The following DEPDC1B variants were observed in gnomAD, a reference collection of about 807,000 sequenced individuals.
DEPDC1B encodes the protein DEP domain containing 1B.
DEPDC1B carries 51 observed loss-of-function variants against 66.5 expected under a neutral mutation model. The ratio of observed to expected loss-of-function variants is 0.77; its 90% CI spans 0.61 to 0.97. The LOEUF is 0.97. Among genes scored for constraint, DEPDC1B ranks in the 50% least tolerant of loss-of-function variants. The pLI is 0.00. For synonymous variants in DEPDC1B, 226 were observed against 223.6 expected (o/e 1.01, Z -0.10); for missense variants, 552 against 637.1 (o/e 0.87, Z 1.44).
intron 2 of DEPDC1B, among the ~76,000 whole-genome samples, chr5:60,650,264 C>G (rs1285310631): frequency 6.6e-6 from 1 of 152,148 alleles, no homozygotes; most frequent in Non-Finnish European, 1.5e-5. Context: ...ATAAGACATT[C>G]TTAAAGAAGA....
rs568038171 is a variant in DEPDC1B at position 60,683,788 on chromosome 5, G to A, written c.314+3174C>T. Among the ~76,000 whole-genome samples the A allele has an allele frequency of 6.6e-5, 10 of 152,062 alleles. No individual in the cohort carries two copies. The South Asian group carries it at 8.3e-4, about 13-fold the overall frequency. On this transcript the variant is annotated intron_variant, in intron 2 of 10. Transcript: ENST00000265036. ...AATTAAGCAAGAGAAAGAAATAAAC[G>A]ACATATAAATTGGAAAACAGGAAGT...
chr5:60,632,448 C>A (rs1316790532), intron 7 of DEPDC1B, among the ~76,000 whole-genome samples: 2 of 152,244 alleles, frequency 1.3e-5, no homozygotes, highest in Non-Finnish European at 2.9e-5. Context: ...AATCCTGCAA[C>A]CTCCACCCAT....
intron 7 of DEPDC1B, among the ~76,000 whole-genome samples, chr5:60,621,159 G>A (rs1361226870): frequency 6.6e-6 from 1 of 151,814 alleles, no homozygotes; most frequent in Non-Finnish European, 1.5e-5. Context: ...GTAGGGGGAG[G>A]GATAGCATTA....
At position 60,603,544 on chromosome 5, in the gene DEPDC1B, G is replaced by A; in HGVS notation, c.1089C>T (p.Cys363=). The change falls in exon 9 of 11, where the codon TGC becomes TGT. Residue 363 remains cysteine, a synonymous_variant. Transcript: ENST00000265036. ...CCACTTCATCCTTGGAACACAAGATGCAACGGGAAAATGTCTGAACCATCT... is the reference window on the plus strand; with the variant it reads ...CCACTTCATCCTTGGAACACAAGATACAACGGGAAAATGTCTGAACCATCT... ...RTLMVQTFSR[C]ILCSKDEVDL... is the part of the protein sequence containing the mutation. 1 of 1,605,448 alleles carries A rather than the reference G, an allele frequency of 6.2e-7. No homozygotes were observed.
Position 60,605,876 on chromosome 5 carries a change from AT to A in DEPDC1B, c.899-21del. 1.3e-6 allele frequency: 2 copies of A among 1,589,490 alleles called. No individual in the cohort carries two copies. Among genetic ancestry groups the A allele is most frequent in the South Asian group, 1.1e-5 (1 of 87,536 alleles). The stretch of plus-strand genomic sequence containing the variant: ...ACAAACCTGATTTAGAAAAAAAAAA[AT>A]GTTATCTTTCAACACCTATAGCCTA... On this transcript the variant is annotated intron_variant, in intron 7 of 10. Transcript: ENST00000265036.
At chr5:60,602,129 A>G (rs2111704511) in intron 9 of DEPDC1B, among the ~76,000 whole-genome samples, 1 of 117,472 alleles carries the variant, frequency 8.5e-6, no homozygotes, top group African/African-American at 3.9e-5. Context: ...GCAGGAAGGG[A>G]GGCAGGCAAG....
At chr5:60,615,214 C>A (rs539545049) in intron 7 of DEPDC1B, among the ~76,000 whole-genome samples, 9 of 152,100 alleles carry the variant, frequency 5.9e-5, no homozygotes, top group Non-Finnish European at 1.5e-5. Flanking sequence ...CAGTGCCCAG[C>A]GTGAGCAACG....
intron 7 of DEPDC1B, among the ~76,000 whole-genome samples, chr5:60,620,259 G>GC (rs1752670869): frequency 6.6e-6 from 1 of 152,134 alleles, no homozygotes; most frequent in Non-Finnish European, 1.5e-5. Context: ...AACACCAAAA[G>GC]CAAGGCAACA....
chr5:60,675,655 CA>C (rs1416945106), intron 2 of DEPDC1B, among the ~76,000 whole-genome samples: 9 of 152,196 alleles, frequency 5.9e-5, no homozygotes, highest in Admixed American at 1.3e-4. Flanking sequence ...TTACGGACTA[CA>C]TACAGAGCAG....
intron 4 of DEPDC1B, 53 bp from the exon 5 acceptor site, chr5:60,644,928 T>C: frequency 1.4e-6 from 2 of 1,387,778 alleles, no homozygotes; most frequent in South Asian, 1.5e-5. Context: ...TTATATTTAC[T>C]CAAAAACCTG....
At chr5:60,678,363 A>G (rs944786979) in intron 2 of DEPDC1B, among the ~76,000 whole-genome samples, 38 of 152,206 alleles carry the variant, frequency 2.5e-4, no homozygotes, top group African/African-American at 8.7e-4. Context: ...CTGGCAATCT[A>G]TAAATATTCA....
At chr5:60,645,688 A>G (rs560456903) in intron 3 of DEPDC1B, 69 bp from the exon 4 acceptor site, 28 of 1,467,382 alleles carry the variant, frequency 1.9e-5, no homozygotes, top group South Asian at 8.6e-5. Context: ...AAATATTTCA[A>G]TATAAGGTGG....
chr5:60,654,671 G>C (rs1409846951), intron 2 of DEPDC1B, among the ~76,000 whole-genome samples: 1 of 148,740 alleles, frequency 6.7e-6, no homozygotes, highest in Admixed American at 6.7e-5. Flanking sequence ...ATGTTGAATA[G>C]AAGTGGTGAA....
intron 7 of DEPDC1B, among the ~76,000 whole-genome samples, chr5:60,626,577 A>C (rs894997096): frequency 6.6e-6 from 1 of 152,142 alleles, no homozygotes; most frequent in East Asian, 1.9e-4. Flanking sequence ...ATCCTCACTA[A>C]CACTTATCCA....
chr5:60,698,934 A>C (rs1754715088), intron 1 of DEPDC1B, among the ~76,000 whole-genome samples: 1 of 152,186 alleles, frequency 6.6e-6, no homozygotes, highest in South Asian at 2.1e-4. Context: ...GTAAAATTTC[A>C]TGAGTATGTG....
chr5:60,647,695 T>C (rs928218956), intron 2 of DEPDC1B, 162 bp from the exon 3 acceptor site: 2 of 575,256 alleles, frequency 3.5e-6, no homozygotes, highest in Non-Finnish European at 5.4e-6. Context: ...CTCTATACCA[T>C]ACCTGATAAA....
At chr5:60,655,204 ATTC>A (rs2111918141) in intron 2 of DEPDC1B, among the ~76,000 whole-genome samples, 1 of 149,146 alleles carries the variant, frequency 6.7e-6, no homozygotes, top group Admixed American at 6.6e-5. Context: ...ATTGGTACCA[ATTC>A]TTCCTTGAAT....
chr5:60,602,073 T>A (rs1336444017), intron 9 of DEPDC1B, among the ~76,000 whole-genome samples: 1 of 147,826 alleles, frequency 6.8e-6, no homozygotes, highest in Admixed American at 6.7e-5. Context: ...ATGGGGGAAT[T>A]TTTTTCTCAT....
chr5:60,687,026 C>T lies in DEPDC1B; in HGVS notation c.250G>A (p.Val84Ile), dbSNP rs765425369. 9 of 1,614,074 alleles carry T rather than the reference C, an allele frequency of 5.6e-6. No individual in the cohort carries two copies. The Admixed American group carries it at 1.0e-4, about 18-fold the overall frequency. Residue 84 changes from valine (V) to isoleucine (I), a missense_variant, in exon 2 of 11, where the codon GTT (valine) becomes ATT (isoleucine). Physicochemically the swap from Val to Ile is conservative, Grantham distance 29. Transcript: ENST00000265036. The stretch of plus-strand genomic sequence containing the variant: ...CATTTTCCCTTGATGTCTTCAATAA[C>T]GTGATTCTTCAGGAATTTTTTTAGC... Reference protein sequence around the residue: ...QLLKKFLKNHVIEDIKGKWGE... With the variant: ...QLLKKFLKNHIIEDIKGKWGE...
Sources: gnomAD v4.1 joint callset for allele counts (sites outside exome capture counted in the v4.1 genomes callset) on GRCh38, gnomAD v4.1.1 for gene constraint, MANE v1.5 for transcripts, NCBI Gene and HGNC (gene_info 2026-07-23, HGNC 2026-07-21) for gene names.